GRM8: variants seen among roughly 807,000 people sequenced by gnomAD.
GRM8 encodes the protein metabotropic glutamate receptor 8.
Under a neutral mutation model 87.2 loss-of-function variants are expected in GRM8, and 47 were observed. The observed-to-expected ratio is 0.54, with a 90% CI of 0.43 to 0.69. GRM8 has a LOEUF of 0.69. GRM8 is among the 30% of genes least tolerant of loss of function. The pLI, the probability that GRM8 is intolerant of heterozygous loss-of-function variation, is 0.00. For missense variants in GRM8, 1,019 were observed against 1,139.2 expected, an observed-to-expected ratio of 0.89 and a Z score of 1.52; for synonymous variants, 396 against 404.5, an observed-to-expected ratio of 0.98 and a Z score of 0.25.
At chr7:127,083,525 C>G (rs1823097147) in intron 3 of GRM8, among the ~76,000 whole-genome samples, 1 of 152,104 alleles carries the variant, frequency 6.6e-6, no homozygotes, top group Non-Finnish European at 1.5e-5. Flanking sequence ...AAACACAAAT[C>G]TGGTCACGCT....
intron 7 of GRM8, among the ~76,000 whole-genome samples, chr7:126,699,051 G>T (rs768809124): frequency 2.6e-5 from 4 of 152,102 alleles, no homozygotes; most frequent in Admixed American, 6.6e-5. Context: ...AATAAGGAGG[G>T]TCACTGTCCT....
chr7:127,215,159 C>T (rs1322438209), intron 2 of GRM8: 1 of 152,202 alleles, frequency 6.6e-6, no homozygotes, highest in Non-Finnish European at 1.5e-5. Flanking sequence ...AGCTGATTCT[C>T]TTCCGATTCT....
chr7:126,855,382 C>A (rs1212388205), intron 6 of GRM8, among the ~76,000 whole-genome samples: 2 of 151,884 alleles, frequency 1.3e-5, no homozygotes, highest in Non-Finnish European at 2.9e-5. Flanking sequence ...GATGATAAAA[C>A]TAAGTCTCAG....
At chr7:127,095,902 C>T (rs1368004223) in intron 3 of GRM8, 1 of 152,162 alleles carries the variant, frequency 6.6e-6, no homozygotes, top group Non-Finnish European at 1.5e-5. Context: ...TCCTCAAAGC[C>T]CAGCACAAGT....
In GRM8 at chr7:126,618,174, C is replaced by T. The variant is rs558770347; in HGVS notation, c.1358-8676G>A. ...AAACAGCATGGTACTGGTACCAAAA[C>T]AGAGATATAGACCAATGGAACAGAA... On this transcript the variant is annotated intron_variant, in intron 7 of 10. Coordinates refer to ENST00000339582, the MANE Select transcript of GRM8 (RefSeq NM_000845.3). Among the ~76,000 whole-genome samples, 474 of 152,224 alleles carry T rather than the reference C, an allele frequency of 3.1e-3. 2 individuals carry two copies. The highest frequency in any genetic ancestry group is 0.011 in the African/African-American group (464 of 41,558).
At chr7:126,718,725 G>A (rs1585650600) in intron 7 of GRM8, among the ~76,000 whole-genome samples, 2 of 152,112 alleles carry the variant, frequency 1.3e-5, no homozygotes, top group Admixed American at 1.3e-4. Flanking sequence ...TGTCCAGAAC[G>A]GCCTGAGTGC....
At chr7:127,208,406 G>A (rs1796032925) in intron 2 of GRM8, among the ~76,000 whole-genome samples, 1 of 152,110 alleles carries the variant, frequency 6.6e-6, no homozygotes, top group Admixed American at 6.6e-5. Context: ...GCCTCTGCAA[G>A]AGGCTACACT....
intron 6 of GRM8, among the ~76,000 whole-genome samples, chr7:126,785,897 T>G (rs943782752): frequency 6.6e-6 from 1 of 152,144 alleles, no homozygotes; most frequent in African/African-American, 2.4e-5. Context: ...CTGTTACTTT[T>G]AGCTGGACAC....
At chr7:126,711,621 C>T (rs1197480176) in intron 7 of GRM8, among the ~76,000 whole-genome samples, 1 of 152,214 alleles carries the variant, frequency 6.6e-6, no homozygotes, top group Non-Finnish European at 1.5e-5. Flanking sequence ...TTCTTTCTGG[C>T]TATGAATTTC....
intron 2 of GRM8, among the ~76,000 whole-genome samples, chr7:127,108,971 G>A (rs1416103064): frequency 6.6e-6 from 1 of 152,172 alleles, no homozygotes; most frequent in Non-Finnish European, 1.5e-5. Flanking sequence ...TTTTCATGAA[G>A]TCACATCTCA....
chr7:126,904,716 A>C, intron 3 of GRM8, 33 bp from the exon 4 acceptor site: 1 of 1,603,336 alleles, frequency 6.2e-7, no homozygotes, highest in Non-Finnish European at 8.5e-7. Context: ...GGTGATTCAG[A>C]AAGAGCATTT....
intron 3 of GRM8, among the ~76,000 whole-genome samples, chr7:127,030,504 G>A (rs374508350): frequency 2.0e-4 from 31 of 152,216 alleles, no homozygotes; most frequent in Non-Finnish European, 3.7e-4. Context: ...GGGGAATACC[G>A]TTGATATGTA....
intron 8 of GRM8, among the ~76,000 whole-genome samples, chr7:126,571,785 G>A (rs960317519): frequency 6.7e-6 from 1 of 149,440 alleles, no homozygotes; most frequent in Non-Finnish European, 1.5e-5. Flanking sequence ...CTGTCACCCA[G>A]GCTGGAATGC....
Position 126,574,198 on chromosome 7 carries a change from G to A in GRM8, c.1494+35164C>T, listed in dbSNP as rs561702732. Among the ~76,000 whole-genome samples the A allele has an allele frequency of 3.3e-5, 5 of 152,330 alleles. No homozygotes were observed. In the South Asian group the frequency reaches 1.0e-3, roughly 32 times the overall value. On this transcript the variant is annotated intron_variant, in intron 8 of 10. Coordinates refer to ENST00000339582, the MANE Select transcript of GRM8 (RefSeq NM_000845.3). ...TTTCTGGCTTCAGCCAATGAGGCTT[G>A]TTCAATGTTCCAACACTGAACCATA...
chr7:127,049,409 G>C (rs189231780), intron 3 of GRM8, among the ~76,000 whole-genome samples: 2 of 152,250 alleles, frequency 1.3e-5, no homozygotes, highest in African/African-American at 4.8e-5. Context: ...TGTAAACCAT[G>C]CACACTGACG....
intron 3 of GRM8, among the ~76,000 whole-genome samples, chr7:127,079,202 C>T (rs1822598639): frequency 6.6e-6 from 1 of 151,998 alleles, no homozygotes; most frequent in Non-Finnish European, 1.5e-5. Context: ...CTTACTGCAA[C>T]CTCTCTGCCT....
chr7:127,047,242 T>C (rs1819017006), intron 3 of GRM8, among the ~76,000 whole-genome samples: 1 of 152,170 alleles, frequency 6.6e-6, no homozygotes, highest in Non-Finnish European at 1.5e-5. Flanking sequence ...ACAGAAACCA[T>C]ATGGCCCACA....
chr7:126,714,826 G>GTA lies in GRM8; in HGVS notation c.1357+55037_1357+55038dup, dbSNP rs201770024. Among the ~76,000 whole-genome samples the GTA allele has an allele frequency of 6.7e-3, 1,014 of 150,870 alleles. 30 individuals are homozygous for GTA. Among genetic ancestry groups the GTA allele is most frequent in the Admixed American group, 0.055 (833 of 15,100 alleles). ...CACATATTTTATATGATATATATGT[G>GTA]TATATATATATATAAACACACTCTA... On this transcript the variant is annotated intron_variant, in intron 7 of 10. Transcript: ENST00000339582.
At chr7:126,696,744 C>A (rs1401880200) in intron 7 of GRM8, among the ~76,000 whole-genome samples, 1 of 152,110 alleles carries the variant, frequency 6.6e-6, no homozygotes, top group Non-Finnish European at 1.5e-5. Context: ...CAAAGACAGA[C>A]AGAGGCTGAA....
Sources: gnomAD v4.1 joint callset for allele counts (sites outside exome capture counted in the v4.1 genomes callset) on GRCh38, gnomAD v4.1.1 for gene constraint, MANE v1.5 for transcripts, NCBI Gene and HGNC (gene_info 2026-07-23, HGNC 2026-07-21) for gene names.